The following HS3ST2 variants were observed in gnomAD, a reference collection of about 807,000 sequenced individuals.
The protein encoded by HS3ST2 is heparan sulfate glucosamine 3-O-sulfotransferase 2.
A neutral mutation model predicts 26.3 loss-of-function variants in HS3ST2; 17 were observed. The ratio of observed to expected loss-of-function variants is 0.65; its 90% CI spans 0.44 to 0.97. The LOEUF (loss-of-function observed/expected upper bound fraction) is 0.97, where lower values mean the gene tolerates loss of function less well. HS3ST2 is among the 50% of genes least tolerant of loss of function. The pLI, the probability that HS3ST2 is intolerant of heterozygous loss-of-function variation, is 0.00. For missense variants in HS3ST2, 402 were observed against 501.2 expected (o/e 0.80, Z 1.89); for synonymous variants, 237 against 219.2 (o/e 1.08, Z -0.72).
At chr16:22,908,357 G>C (rs1902381379) in intron 1 of HS3ST2, among the ~76,000 whole-genome samples, 1 of 152,182 alleles carries the variant, frequency 6.6e-6, no homozygotes, top group Non-Finnish European at 1.5e-5. Flanking sequence ...GATACACCCT[G>C]CCCTGCCCTC....
rs1901420961 is a variant in HS3ST2 at position 22,845,626 on chromosome 16, C to T, written c.485+30531C>T. 2.7e-5 allele frequency among the ~76,000 whole-genome samples: 4 copies of T among 150,256 alleles called. No individual in the cohort carries two copies. In the South Asian group the frequency reaches 8.3e-4, roughly 31 times the overall value. On this transcript the variant is annotated intron_variant, in intron 1 of 1. Transcript: ENST00000261374. ...TCGGCCTCCCAAAGTTCTGGGATTA[C>T]AAGCGTGAGCCATGCGCCTGGCCTA...
chr16:22,822,836 C>A (rs1901018138), intron 1 of HS3ST2, among the ~76,000 whole-genome samples: 1 of 139,724 alleles, frequency 7.2e-6, no homozygotes. Flanking sequence ...GCCTGGGCAA[C>A]AGAGCAAGAC....
At chr16:22,833,849 T>C (rs1287090369) in intron 1 of HS3ST2, among the ~76,000 whole-genome samples, 2 of 151,940 alleles carry the variant, frequency 1.3e-5, no homozygotes. Flanking sequence ...AAAGAGATAT[T>C]CACGTGGCAG....
intron 1 of HS3ST2, among the ~76,000 whole-genome samples, chr16:22,855,879 T>A (rs1901586961): frequency 1.3e-5 from 2 of 152,292 alleles, no homozygotes; most frequent in African/African-American, 4.8e-5. Context: ...ACTCATTGGC[T>A]CTGATTGGGT....
intron 1 of HS3ST2, among the ~76,000 whole-genome samples, chr16:22,819,102 CCCTTCCTT>C (rs1406985269): frequency 2.5e-4 from 3 of 12,156 alleles, no homozygotes; most frequent in Non-Finnish European, 4.0e-4. Flanking sequence ...CTCCCTCCCT[CCCTTCCTT>C]CCTTCCTTCC....
intron 1 of HS3ST2, among the ~76,000 whole-genome samples, chr16:22,887,331 A>C (rs1902073675): frequency 6.6e-6 from 1 of 152,218 alleles, no homozygotes; most frequent in Admixed American, 6.5e-5. Context: ...AGGTGCTGGC[A>C]GATTCAGTGT....
At chr16:22,903,780 A>G (rs1032554060) in intron 1 of HS3ST2, among the ~76,000 whole-genome samples, 5 of 152,124 alleles carry the variant, frequency 3.3e-5, no homozygotes, top group African/African-American at 1.2e-4. Context: ...CACAATACAC[A>G]AGGGGTGGAT....
intron 1 of HS3ST2, among the ~76,000 whole-genome samples, chr16:22,882,954 C>G (rs1423933039): frequency 2.6e-5 from 4 of 151,650 alleles, no homozygotes; most frequent in Non-Finnish European, 5.9e-5. Flanking sequence ...TCGCTTGAAC[C>G]CAGGAGGCAG....
Position 22,832,891 on chromosome 16 carries a change from C to T in HS3ST2, c.485+17796C>T, listed in dbSNP as rs538377618. Among the ~76,000 whole-genome samples the T allele has an allele frequency of 1.6e-4, 24 of 152,070 alleles. No homozygotes were observed. In the South Asian group the frequency reaches 5.0e-3, roughly 32 times the overall value. On this transcript the variant is annotated intron_variant, in intron 1 of 1. Transcript: ENST00000261374. Reference sequence around the variant, plus strand: ...GAGCAAGAAGCATTCCTGTTGCTCACCCCACCCACCCTACACCCTGAGCCA... The same window carrying T: ...GAGCAAGAAGCATTCCTGTTGCTCATCCCACCCACCCTACACCCTGAGCCA...
chr16:22,904,552 G>C (rs1902323872), intron 1 of HS3ST2, among the ~76,000 whole-genome samples: 1 of 152,226 alleles, frequency 6.6e-6, no homozygotes, highest in African/African-American at 2.4e-5. Context: ...GGCACAGTCA[G>C]GGAAGGCTTT....
intron 1 of HS3ST2, among the ~76,000 whole-genome samples, chr16:22,866,629 C>T (rs930056650): frequency 1.3e-5 from 2 of 151,658 alleles, no homozygotes; most frequent in African/African-American, 2.4e-5. Context: ...GGCAAGACCC[C>T]GTCTCTACAA....
intron 1 of HS3ST2, among the ~76,000 whole-genome samples, chr16:22,817,796 G>T (rs1331423662): frequency 1.3e-5 from 2 of 152,150 alleles, no homozygotes; most frequent in Non-Finnish European, 2.9e-5. Flanking sequence ...AGTATGATCT[G>T]CCCACATCAA....
intron 1 of HS3ST2, among the ~76,000 whole-genome samples, chr16:22,817,458 A>C (rs1480225632): frequency 6.6e-6 from 1 of 152,230 alleles, no homozygotes; most frequent in Non-Finnish European, 1.5e-5. Flanking sequence ...TGCTGTTTCC[A>C]TAACCTCCAG....
intron 1 of HS3ST2, among the ~76,000 whole-genome samples, chr16:22,817,917 T>C (rs1269426211): frequency 6.6e-6 from 1 of 152,184 alleles, no homozygotes; most frequent in Non-Finnish European, 1.5e-5. Flanking sequence ...TAAATGGAGA[T>C]AAAGCTGAAG....
chr16:22,870,242 C>A lies in HS3ST2; in HGVS notation c.486-44702C>A, dbSNP rs1901815626. Among the ~76,000 whole-genome samples the A allele has an allele frequency of 3.3e-5, 5 of 152,204 alleles. No individual in the cohort carries two copies. The South Asian group carries it at 8.3e-4, about 25-fold the overall frequency. The stretch of plus-strand genomic sequence containing the variant: ...AGCATTTCATGGTGTTCTGGACCCC[C>A]TGAAGCCCACCCAGAAATGCCTAAT... On this transcript the variant is annotated intron_variant, in intron 1 of 1. Coordinates refer to ENST00000261374, the MANE Select transcript of HS3ST2 (RefSeq NM_006043.2).
At chr16:22,860,720 C>T (rs1177158680) in intron 1 of HS3ST2, among the ~76,000 whole-genome samples, 1 of 151,704 alleles carries the variant, frequency 6.6e-6, no homozygotes, top group Non-Finnish European at 1.5e-5. Context: ...TATAAATTGC[C>T]TTTATGTATC....
intron 1 of HS3ST2, among the ~76,000 whole-genome samples, chr16:22,900,757 G>T (rs1223570923): frequency 6.6e-6 from 1 of 152,104 alleles, no homozygotes; most frequent in African/African-American, 2.4e-5. Flanking sequence ...TGCTTCAGAG[G>T]CCACAGAAAA....
chr16:22,895,271 G>T (rs1902194614), intron 1 of HS3ST2, among the ~76,000 whole-genome samples: 1 of 151,914 alleles, frequency 6.6e-6, no homozygotes, highest in Admixed American at 6.6e-5. Flanking sequence ...TGTATTTTCA[G>T]TAGAGACAGG....
intron 1 of HS3ST2, among the ~76,000 whole-genome samples, chr16:22,837,840 C>T (rs1266426117): frequency 6.6e-6 from 1 of 151,804 alleles, no homozygotes; most frequent in East Asian, 1.9e-4. Flanking sequence ...ACTCGTTCTT[C>T]TTGTGATGAT....
Sources: allele counts gnomAD v4.1 joint callset (sites outside exome capture counted in the v4.1 genomes callset), GRCh38; gene constraint gnomAD v4.1.1; transcripts MANE v1.5; gene names NCBI Gene and HGNC (gene_info 2026-07-23, HGNC 2026-07-21).